Variants in BBX observed in about 807,000 individuals in gnomAD.
BBX encodes the protein BBX high mobility group box domain containing, also known as HMG box transcription factor BBX.
Under a neutral mutation model 100.2 loss-of-function variants are expected in BBX, and 30 were observed. That is an observed-to-expected ratio of 0.30 (90% CI 0.22 to 0.41). The LOEUF is 0.41. Ranked by LOEUF, BBX falls within the 10% of genes least tolerant of loss-of-function variation. The pLI, the probability that BBX is intolerant of heterozygous loss-of-function variation, is 1.00. For synonymous variants in BBX, 376 were observed against 388.1 expected (o/e 0.97, Z 0.37); for missense variants, 1,023 against 1,129.8 (o/e 0.91, Z 1.35).
intron 14 of BBX, among the ~76,000 whole-genome samples, chr3:107,790,727 T>C (rs1390779898): frequency 1.3e-5 from 2 of 152,166 alleles, no homozygotes; most frequent in African/African-American, 4.8e-5. Flanking sequence ...CCTACTTGCA[T>C]GGCCAGATGT....
chr3:107,782,182 C>G (rs2067963727), intron 13 of BBX, among the ~76,000 whole-genome samples: 1 of 152,112 alleles, frequency 6.6e-6, no homozygotes, highest in Non-Finnish European at 1.5e-5. Flanking sequence ...ATGTCCAGCC[C>G]AATGAAGTGG....
chr3:107,546,882 T>G (rs2049279172), intron 2 of BBX, among the ~76,000 whole-genome samples: 1 of 152,194 alleles, frequency 6.6e-6, no homozygotes, highest in South Asian at 2.1e-4. Context: ...TTATATTGAT[T>G]TGCTGAGTAA....
chr3:107,663,697 T>C (rs1250812923), intron 3 of BBX, among the ~76,000 whole-genome samples: 2 of 152,200 alleles, frequency 1.3e-5, no homozygotes, highest in East Asian at 3.8e-4. Context: ...TGCTTGTCTT[T>C]GTAATTCATT....
At chr3:107,802,294 T>C (rs1489456534) in intron 17 of BBX, among the ~76,000 whole-genome samples, 1 of 152,236 alleles carries the variant, frequency 6.6e-6, no homozygotes, top group Non-Finnish European at 1.5e-5. Context: ...TTGGTTTGCT[T>C]CTTGCTATTT....
At chr3:107,558,639 G>A (rs1401545633) in intron 2 of BBX, among the ~76,000 whole-genome samples, 3 of 152,198 alleles carry the variant, frequency 2.0e-5, no homozygotes, top group Non-Finnish European at 2.9e-5. Context: ...TGAGCTGATA[G>A]CATCCAACAA....
At chr3:107,590,136 A>C (rs1376862197) in intron 2 of BBX, among the ~76,000 whole-genome samples, 1 of 152,122 alleles carries the variant, frequency 6.6e-6, no homozygotes, top group Non-Finnish European at 1.5e-5. Context: ...ATTTCGTGGG[A>C]CCTTTGTCAG....
intron 6 of BBX, among the ~76,000 whole-genome samples, chr3:107,729,920 C>A (rs1217704700): frequency 6.6e-6 from 1 of 151,948 alleles, no homozygotes; most frequent in African/African-American, 2.4e-5. Flanking sequence ...ATATAATCTA[C>A]AAAAAATATT....
chr3:107,561,343 T>C (rs1055680011), intron 2 of BBX, among the ~76,000 whole-genome samples: 2 of 152,208 alleles, frequency 1.3e-5, no homozygotes, highest in African/African-American at 4.8e-5. Flanking sequence ...TGCCAATATC[T>C]AGCAAAAGTT....
intron 2 of BBX, among the ~76,000 whole-genome samples, chr3:107,559,054 T>A (rs1206482514): frequency 1.3e-5 from 2 of 152,194 alleles, no homozygotes; most frequent in Non-Finnish European, 2.9e-5. Flanking sequence ...GTGGTTTGTG[T>A]GTAAGAAAGT....
At chr3:107,706,149 A>T (rs1214335163) in intron 3 of BBX, among the ~76,000 whole-genome samples, 4 of 151,514 alleles carry the variant, frequency 2.6e-5, no homozygotes, top group Non-Finnish European at 4.4e-5. Context: ...CAGCCTCGCG[A>T]GTAGCTGGGA....
intron 8 of BBX, among the ~76,000 whole-genome samples, chr3:107,747,090 T>A (rs1232994253): frequency 2.0e-5 from 3 of 152,184 alleles, no homozygotes; most frequent in Non-Finnish European, 2.9e-5. Context: ...AAAATGTCCT[T>A]GAAAAGTATT....
chr3:107,653,723 G>C (rs1005610731), intron 3 of BBX, among the ~76,000 whole-genome samples: 10 of 152,080 alleles, frequency 6.6e-5, no homozygotes, highest in African/African-American at 2.2e-4. Context: ...GAAATGTTCT[G>C]TTTTAGAGTA....
chr3:107,613,009 T>TCTC (rs1452332933), intron 2 of BBX, among the ~76,000 whole-genome samples: 1 of 152,006 alleles, frequency 6.6e-6, no homozygotes, highest in Non-Finnish European at 1.5e-5. Flanking sequence ...CAGAGGAGTC[T>TCTC]CTCAGTGTCC....
At chr3:107,571,151 C>T (rs1413579198) in intron 2 of BBX, among the ~76,000 whole-genome samples, 1 of 151,842 alleles carries the variant, frequency 6.6e-6, no homozygotes, top group Admixed American at 6.6e-5. Flanking sequence ...GAAGGTTGCC[C>T]ATAGTGAAGG....
At chr3:107,697,257 C>G (rs991158959) in intron 3 of BBX, among the ~76,000 whole-genome samples, 15 of 151,766 alleles carry the variant, frequency 9.9e-5, no homozygotes, top group East Asian at 3.8e-4. Context: ...GTGTTCCTTT[C>G]GAGGAGGAGA....
At chr3:107,805,280 G>T (rs1371447332) in intron 17 of BBX, 90 bp from the exon 18 acceptor site, 15 of 1,359,762 alleles carry the variant, frequency 1.1e-5, no homozygotes, top group Non-Finnish European at 1.5e-5. Context: ...TGTTAAACAA[G>T]ATATTGGAAC....
chr3:107,672,212 A>G (rs2059055824), intron 3 of BBX, among the ~76,000 whole-genome samples: 1 of 152,048 alleles, frequency 6.6e-6, no homozygotes, highest in Non-Finnish European at 1.5e-5. Flanking sequence ...CCCCAAGTGT[A>G]AAATAATTAT....
At chr3:107,575,105 C>T (rs947520074) in intron 2 of BBX, among the ~76,000 whole-genome samples, 6 of 152,182 alleles carry the variant, frequency 3.9e-5, no homozygotes, top group Non-Finnish European at 8.8e-5. Flanking sequence ...CCTGGATAAT[C>T]CCAGCCTAAA....
chr3:107,545,441 A>G (rs35934249), intron 2 of BBX, among the ~76,000 whole-genome samples: 204 of 152,328 alleles, frequency 1.3e-3, no homozygotes, highest in Middle Eastern at 3.4e-3. Context: ...CTTAAGTGGT[A>G]GCTAAATGGA....
Sources: gnomAD v4.1 joint callset for allele counts (sites outside exome capture counted in the v4.1 genomes callset) on GRCh38, gnomAD v4.1.1 for gene constraint, MANE v1.5 for transcripts, NCBI Gene and HGNC (gene_info 2026-07-23, HGNC 2026-07-21) for gene names.